The following PCDH15 variants were observed in gnomAD, a reference collection of about 807,000 sequenced individuals.
The protein encoded by PCDH15 is protocadherin related 15, also known as protocadherin-15.
PCDH15 carries 129 observed loss-of-function variants against 178.5 expected under a neutral mutation model. The observed-to-expected ratio is 0.72, with a 90% CI of 0.63 to 0.84. PCDH15 has a LOEUF of 0.84. PCDH15 is among the 40% of genes least tolerant of loss of function. PCDH15 has a pLI of 0.00. For synonymous variants in PCDH15, 800 were observed against 732.0 expected (o/e 1.09, Z -1.50); for missense variants, 2,230 against 2,099.9 (o/e 1.06, Z -1.21).
chr10:54,740,206 A>G (rs1215099170), intron 1 of PCDH15, among the ~76,000 whole-genome samples: 1 of 152,036 alleles, frequency 6.6e-6, no homozygotes. Flanking sequence ...AAATAATCAA[A>G]TTTTAAAATG....
At chr10:54,798,527 A>T (rs1166205120) in intron 1 of PCDH15, among the ~76,000 whole-genome samples, 2 of 152,132 alleles carry the variant, frequency 1.3e-5, no homozygotes, top group Non-Finnish European at 2.9e-5. Context: ...ACATAGAATG[A>T]CAAAATGATT....
In PCDH15 at chr10:54,044,469, T is replaced by C. The variant is rs1160187761; in HGVS notation, c.2221-21272A>G. 2.6e-5 allele frequency among the ~76,000 whole-genome samples: 4 copies of C among 152,108 alleles called. No individual in the cohort carries two copies. The South Asian group carries it at 6.2e-4, about 24-fold the overall frequency. Reference sequence around the variant, plus strand: ...TGCAACAAGAGGTGCTCTGGTATCATTGAAAAGTTCAGTGATGGCTCTCCT... The same window carrying C: ...TGCAACAAGAGGTGCTCTGGTATCACTGAAAAGTTCAGTGATGGCTCTCCT... On this transcript the variant is annotated intron_variant, in intron 18 of 37. Transcript: ENST00000644397.
intron 2 of PCDH15, among the ~76,000 whole-genome samples, chr10:54,988,387 T>C (rs1019082972): frequency 1.3e-5 from 2 of 152,002 alleles, no homozygotes; most frequent in Non-Finnish European, 2.9e-5. Flanking sequence ...CAAGCAGGGA[T>C]TGGAACAGTT....
In PCDH15 at chr10:54,377,726, T is replaced by C. The variant is rs73249913; in HGVS notation, c.318+1056A>G. ...TAAGCTGGGAACTTGTGGGTAAGCA[T>C]GTTTAGAGTTACTCTCTGAGTTTTC... is the stretch of plus-strand genomic sequence containing the variant. On this transcript the variant is annotated intron_variant, in intron 4 of 37. Transcript: ENST00000644397. Among the ~76,000 whole-genome samples the C allele has an allele frequency of 7.9e-3, 1,207 of 152,252 alleles. 15 individuals carry two copies. The highest frequency in any genetic ancestry group is 0.027 in the African/African-American group (1,142 of 41,554).
chr10:54,512,705 T>G (rs1057001752), intron 3 of PCDH15, among the ~76,000 whole-genome samples: 1 of 152,138 alleles, frequency 6.6e-6, no homozygotes, highest in Non-Finnish European at 1.5e-5. Context: ...TAGTTATTTT[T>G]TAAAATTACT....
chr10:54,154,261 G>A (rs2044857276), intron 13 of PCDH15, among the ~76,000 whole-genome samples: 1 of 151,976 alleles, frequency 6.6e-6, no homozygotes, highest in Non-Finnish European at 1.5e-5. Context: ...AGTATTTTCT[G>A]TATTCATCAT....
intron 1 of PCDH15, among the ~76,000 whole-genome samples, chr10:55,201,421 G>A (rs1212438593): frequency 6.6e-6 from 1 of 152,134 alleles, no homozygotes; most frequent in African/African-American, 2.4e-5. Context: ...AACCCAAAAT[G>A]TAGGAGAAAA....
chr10:53,904,468 C>CTT (rs10659966), intron 25 of PCDH15, among the ~76,000 whole-genome samples: 73,359 of 143,994 alleles, frequency 0.51, 19,304 homozygotes, highest in Middle Eastern at 0.67. Flanking sequence ...TAGAAATAGT[C>CTT]TTTTTTTTTT....
At chr10:55,541,940 T>C (rs1486717468) in intron 2 of PCDH15, among the ~76,000 whole-genome samples, 1 of 151,766 alleles carries the variant, frequency 6.6e-6, no homozygotes. Context: ...AAAAAATGAA[T>C]TAATTTATCT....
At chr10:55,567,107 T>G in intron 2 of PCDH15, among the ~76,000 whole-genome samples, 1 of 151,842 alleles carries the variant, frequency 6.6e-6, no homozygotes, top group Non-Finnish European at 1.5e-5. Flanking sequence ...ATAGGAAAGG[T>G]TGCCTAGAAG....
intron 2 of PCDH15, among the ~76,000 whole-genome samples, chr10:55,450,923 A>G (rs1167966872): frequency 1.4e-5 from 2 of 145,566 alleles, no homozygotes; most frequent in Non-Finnish European, 3.0e-5. Context: ...ATTATATTTT[A>G]AGAATTAGAT....
intron 2 of PCDH15, among the ~76,000 whole-genome samples, chr10:55,504,751 C>T (rs976718607): frequency 1.3e-4 from 19 of 151,240 alleles, no homozygotes; most frequent in Non-Finnish European, 1.6e-4. Context: ...ATTTTTATAT[C>T]TGTATTGTAT....
rs1315662051 is a variant in PCDH15, at chr10:55,523,404, G to A, written c.-156+104221C>T. ...TATAAACCATAATTGTAGAAGTTCT[G>A]GAATACAATGTGATGTTTTGATAAG... On this transcript the variant is annotated intron_variant, in intron 2 of 5. Transcript: ENST00000613346. 2.6e-5 allele frequency among the ~76,000 whole-genome samples: 4 copies of A among 151,274 alleles called. 1 individual carries two copies. Among genetic ancestry groups the A allele is most frequent in the Admixed American group, 1.3e-4 (2 of 15,102 alleles).
intron 2 of PCDH15, among the ~76,000 whole-genome samples, chr10:55,389,679 A>G (rs561341466): frequency 6.6e-6 from 1 of 152,238 alleles, no homozygotes; most frequent in South Asian, 2.1e-4. Flanking sequence ...TCTTCATAAG[A>G]GAAATATCAA....
At chr10:54,800,265 G>A (rs1249034223) in intron 1 of PCDH15, among the ~76,000 whole-genome samples, 1 of 152,110 alleles carries the variant, frequency 6.6e-6, no homozygotes, top group Non-Finnish European at 1.5e-5. Context: ...ATCACAAAGT[G>A]GGAAAGCTGT....
chr10:55,142,110 T>A (rs549996706), intron 2 of PCDH15, among the ~76,000 whole-genome samples: 1 of 152,280 alleles, frequency 6.6e-6, no homozygotes, highest in African/African-American at 2.4e-5. Flanking sequence ...CTGAAAGTAA[T>A]GAATGTGAAA....
chr10:55,502,381 A>G (rs1321370529), intron 2 of PCDH15, among the ~76,000 whole-genome samples: 2 of 151,412 alleles, frequency 1.3e-5, no homozygotes, highest in Non-Finnish European at 3.0e-5. Flanking sequence ...CACCAATCAT[A>G]TTTTCTTGAA....
At chr10:54,289,648 G>GA (rs920441513) in intron 8 of PCDH15, among the ~76,000 whole-genome samples, 10 of 152,098 alleles carry the variant, frequency 6.6e-5, no homozygotes, top group African/African-American at 2.4e-4. Flanking sequence ...TAAAATCCTT[G>GA]AAAAATGGTT....
intron 8 of PCDH15, among the ~76,000 whole-genome samples, chr10:54,290,609 T>A (rs921452568): frequency 2.0e-5 from 3 of 151,958 alleles, no homozygotes; most frequent in Non-Finnish European, 4.4e-5. Flanking sequence ...GCAAATCGGA[T>A]AAAGGGTCAA....
Sources: gnomAD v4.1 joint callset for allele counts (sites outside exome capture counted in the v4.1 genomes callset) on GRCh38, gnomAD v4.1.1 for gene constraint, MANE v1.5 for transcripts, NCBI Gene and HGNC (gene_info 2026-07-23, HGNC 2026-07-21) for gene names.